The following PLCH1 variants were observed in gnomAD, a reference collection of about 807,000 sequenced individuals.
PLCH1 encodes the protein 1-phosphatidylinositol 4,5-bisphosphate phosphodiesterase eta-1.
PLCH1 carries 60 observed loss-of-function variants against 126.7 expected under a neutral mutation model. That is an observed-to-expected ratio of 0.47 (90% CI 0.38 to 0.59). PLCH1 has a LOEUF of 0.59. PLCH1 is among the 20% of genes least tolerant of loss of function. The pLI is 0.00. For missense variants in PLCH1, 1,723 were observed against 2,040.0 expected (o/e 0.84, Z 2.99); for synonymous variants, 719 against 734.9 (o/e 0.98, Z 0.35).
At chr3:155,603,676 T>G (rs1422057087) in intron 2 of PLCH1, among the ~76,000 whole-genome samples, 1 of 152,254 alleles carries the variant, frequency 6.6e-6, no homozygotes, top group African/African-American at 2.4e-5. Context: ...AAATGTTATT[T>G]TATCTTTCAA....
At chr3:155,641,041 T>C (rs1319774292) in intron 2 of PLCH1, among the ~76,000 whole-genome samples, 1 of 152,130 alleles carries the variant, frequency 6.6e-6, no homozygotes, top group African/African-American at 2.4e-5. Flanking sequence ...AAATGAATAT[T>C]AAGCTAGCTA....
intron 6 of PLCH1, among the ~76,000 whole-genome samples, chr3:155,576,710 C>T (rs2108566010): frequency 6.6e-6 from 1 of 152,248 alleles, no homozygotes; most frequent in East Asian, 1.9e-4. Context: ...CAAATTTGTG[C>T]CATTGTGAAA....
Position 155,481,538 on chromosome 3 carries a change from G to A in PLCH1, c.4488C>T (p.Ala1496=), listed in dbSNP as rs1714052798. The A allele has an allele frequency of 1.2e-6, 2 of 1,614,114 alleles. No individual in the cohort carries two copies. Among genetic ancestry groups the A allele is most frequent in the Admixed American group, 1.7e-5 (1 of 60,010 alleles). Residue 1496 remains alanine (A), a synonymous_variant, in exon 23 of 23, where the codon GCC becomes GCT. Coordinates refer to ENST00000460012, the MANE Select transcript of PLCH1 (RefSeq NM_014996.4). This position sits in a 1 kb window ranked among gnomAD's most constrained non-coding sequence, Gnocchi z 4.2. ...ACTGGTACTTGCTCTCAAAATTGCA[G>A]GCAATGTCCTCTGATGTTAAGTCCC... The part of the protein sequence containing the change: ...SLGDLTSEDI[A]CNFESKYQCI...
chr3:155,738,466 C>A (rs1012228905), intron 1 of PLCH1, among the ~76,000 whole-genome samples: 6 of 152,104 alleles, frequency 3.9e-5, no homozygotes, highest in African/African-American at 1.4e-4. Flanking sequence ...TATAGTGAGA[C>A]CCTGTCTCTA....
chr3:155,700,814 A>G (rs16825322), intron 2 of PLCH1, among the ~76,000 whole-genome samples: 6 of 152,204 alleles, frequency 3.9e-5, no homozygotes, highest in African/African-American at 1.4e-4. Flanking sequence ...GGTATAGGCA[A>G]TTTTCAAATC....
intron 21 of PLCH1, among the ~76,000 whole-genome samples, chr3:155,453,513 T>A (rs1712364907): frequency 1.3e-5 from 2 of 152,022 alleles, no homozygotes; most frequent in Non-Finnish European, 2.9e-5. Context: ...AATGAAAAAA[T>A]AAATTCAAAA....
chr3:155,656,332 G>T (rs1007375385), intron 2 of PLCH1, among the ~76,000 whole-genome samples: 3 of 152,054 alleles, frequency 2.0e-5, no homozygotes, highest in East Asian at 3.9e-4. Context: ...TCATGAAGCA[G>T]ATATAATACT....
intron 2 of PLCH1, among the ~76,000 whole-genome samples, chr3:155,659,685 G>A (rs1031047551): frequency 6.6e-5 from 10 of 151,834 alleles, no homozygotes; most frequent in Admixed American, 4.6e-4. Flanking sequence ...TTTTAGTAGA[G>A]ATGGGGTTTC....
At chr3:155,551,019 A>T (rs1449655830) in intron 9 of PLCH1, among the ~76,000 whole-genome samples, 1 of 152,148 alleles carries the variant, frequency 6.6e-6, no homozygotes. Flanking sequence ...TCATTTCTTC[A>T]CATAGGTTTT....
intron 4 of PLCH1, among the ~76,000 whole-genome samples, chr3:155,592,495 CA>C (rs35964197): frequency 6.6e-4 from 90 of 135,882 alleles, no homozygotes; most frequent in Admixed American, 7.3e-4. Context: ...ACTCCATCTC[CA>C]AAAAAAAAAA....
chr3:155,491,154 C>T (rs1212845922), intron 18 of PLCH1, among the ~76,000 whole-genome samples: 1 of 152,206 alleles, frequency 6.6e-6, no homozygotes, highest in East Asian at 1.9e-4. Context: ...GATGTTTTGC[C>T]CATGCACAAA....
chr3:155,578,873 C>T (rs1396445299), intron 6 of PLCH1, among the ~76,000 whole-genome samples: 2 of 152,136 alleles, frequency 1.3e-5, no homozygotes, highest in Admixed American at 6.5e-5. Flanking sequence ...TTCTGAGCTT[C>T]CCCTGAAGCA....
In PLCH1 at chr3:155,491,552, C is replaced by T. The variant is rs1449007637; in HGVS notation, c.2308-684G>A. Among the ~76,000 whole-genome samples the T allele has an allele frequency of 2.0e-5, 3 of 152,046 alleles. No individual in the cohort carries two copies. In the East Asian group the frequency reaches 5.8e-4, roughly 29 times the overall value. ...TGCTGGGATTATAAATGTGAGCCAC[C>T]GTGCCTGGTCAGAAGTATGTGTTCA... On this transcript the variant is annotated intron_variant, in intron 18 of 22. Coordinates refer to ENST00000460012, the MANE Select transcript of PLCH1 (RefSeq NM_014996.4).
rs1236145651 is a variant in PLCH1 at position 155,545,634 on chromosome 3, T to C, written c.1362+4153A>G. On this transcript the variant is annotated intron_variant, in intron 10 of 22. Coordinates refer to ENST00000460012, the MANE Select transcript of PLCH1 (RefSeq NM_014996.4). ...CCTTGATGAACATCAATGCAAAAAT[T>C]CTCAATAAAATACTGGCAAACCGAA... is the stretch of plus-strand genomic sequence containing the variant. Among the ~76,000 whole-genome samples the C allele has an allele frequency of 3.2e-3, 487 of 152,210 alleles. 3 individuals carry two copies. Among genetic ancestry groups the C allele is most frequent in the Middle Eastern group, 0.014 (4 of 294 alleles).
chr3:155,459,646 C>T (rs1016216860), intron 21 of PLCH1, among the ~76,000 whole-genome samples: 10 of 152,106 alleles, frequency 6.6e-5, no homozygotes, highest in Non-Finnish European at 1.3e-4. Context: ...TTTATATTTT[C>T]CAGGAGGGCC....
chr3:155,543,585 G>C (rs1214073536), intron 10 of PLCH1, among the ~76,000 whole-genome samples: 1 of 152,136 alleles, frequency 6.6e-6, no homozygotes, highest in African/African-American at 2.4e-5. Flanking sequence ...ACACATAATT[G>C]TCAGATTCAC....
intron 2 of PLCH1, among the ~76,000 whole-genome samples, chr3:155,675,063 G>A (rs1312551243): frequency 6.6e-6 from 1 of 152,056 alleles, no homozygotes. Context: ...AGAAAACTCA[G>A]GTATACTCAA....
At chr3:155,554,249 A>G in intron 8 of PLCH1, 53 bp from the exon 9 acceptor site, 43 of 1,567,908 alleles carry the variant, frequency 2.7e-5, no homozygotes, top group Non-Finnish European at 3.7e-5. Flanking sequence ...GTGTTTATTA[A>G]TATTTCTGGA....
intron 10 of PLCH1, among the ~76,000 whole-genome samples, chr3:155,549,080 G>A (rs771094533): frequency 1.3e-5 from 2 of 152,102 alleles, no homozygotes; most frequent in Non-Finnish European, 2.9e-5. Flanking sequence ...CACCCAAGGT[G>A]GTTTTAGTAC....
Sources: allele counts gnomAD v4.1 joint callset (sites outside exome capture counted in the v4.1 genomes callset), GRCh38; gene constraint gnomAD v4.1.1; non-coding constraint Gnocchi (gnomAD v3.1); transcripts MANE v1.5; gene names NCBI Gene and HGNC (gene_info 2026-07-23, HGNC 2026-07-21).